The following RBFOX1 variants were observed in gnomAD, a reference collection of about 807,000 sequenced individuals.
RBFOX1 encodes RNA binding fox-1 homolog 1.
RBFOX1 carries 8 observed loss-of-function variants against 57.7 expected under a neutral mutation model. The ratio of observed to expected loss-of-function variants is 0.14; its 90% CI spans 0.08 to 0.25. RBFOX1 has a LOEUF of 0.25. Among genes scored for constraint, RBFOX1 ranks in the 10% least tolerant of loss-of-function variants. The pLI is 1.00. For synonymous variants in RBFOX1, 326 were observed against 222.4 expected (o/e 1.47, Z -4.15); for missense variants, 611 against 548.5 (o/e 1.11, Z -1.14).
chr16:6,879,761 G>A (rs1031400366), intron 3 of RBFOX1, among the ~76,000 whole-genome samples: 1 of 152,098 alleles, frequency 6.6e-6, no homozygotes, highest in African/African-American at 2.4e-5. Context: ...GTTCCTGGCT[G>A]TTACTAACCC....
intron 2 of RBFOX1, among the ~76,000 whole-genome samples, chr16:6,619,297 C>T (rs537571499): frequency 1.3e-5 from 2 of 152,202 alleles, no homozygotes; most frequent in East Asian, 3.9e-4. Context: ...AGTTGGTGGC[C>T]TTATAACTCT....
chr16:6,997,800 G>C (rs568843811), intron 3 of RBFOX1, among the ~76,000 whole-genome samples: 29 of 152,184 alleles, frequency 1.9e-4, no homozygotes, highest in Non-Finnish European at 3.2e-4. Context: ...CTCTGAGGTA[G>C]GGTTTCTTGC....
Position 7,411,873 on chromosome 16 carries a change from A to G in RBFOX1, c.28-106274A>G, listed in dbSNP as rs149682658. ...AGCCAAGATCATGCCATTGCATTCCAGCCTGGACAACAAGAGCAAAACTCC... is the reference window on the plus strand; with the variant it reads ...AGCCAAGATCATGCCATTGCATTCCGGCCTGGACAACAAGAGCAAAACTCC... On this transcript the variant is annotated intron_variant, in intron 4 of 15. Coordinates refer to ENST00000550418, the MANE Select transcript of RBFOX1 (RefSeq NM_018723.4). 4.7e-3 allele frequency among the ~76,000 whole-genome samples: 684 copies of G among 145,754 alleles called. 4 individuals carry two copies. Among genetic ancestry groups the G allele is most frequent in the African/African-American group, 0.016 (627 of 38,986 alleles).
At chr16:6,525,941 A>G (rs2096571856) in intron 2 of RBFOX1, among the ~76,000 whole-genome samples, 1 of 152,108 alleles carries the variant, frequency 6.6e-6, no homozygotes, top group Non-Finnish European at 1.5e-5. Context: ...GAAAAAAAGC[A>G]AGGGAACTAA....
At chr16:5,434,062 C>T (rs760060301) in intron 1 of RBFOX1, among the ~76,000 whole-genome samples, 9 of 152,276 alleles carry the variant, frequency 5.9e-5, no homozygotes, top group East Asian at 1.9e-4. Context: ...TGTCTGACAT[C>T]AGAGCCTTGC....
rs542656579 is a variant in RBFOX1, at chr16:7,645,973, A to T, written c.758-7842A>T. On this transcript the variant is annotated intron_variant, in intron 11 of 15. Transcript: ENST00000550418. ...CCCACCTTTTTTTTTTTTCTGCGAAACTCTGAAATTACTGGATTTTTTTAA... is the reference window on the plus strand; with the variant it reads ...CCCACCTTTTTTTTTTTTCTGCGAATCTCTGAAATTACTGGATTTTTTTAA... Among the ~76,000 whole-genome samples, 18 of 150,290 alleles carry T rather than the reference A, an allele frequency of 1.2e-4. 1 individual carries two copies. Among genetic ancestry groups the T allele is most frequent in the South Asian group, 2.1e-4 (1 of 4,756 alleles).
At chr16:6,632,035 G>A (rs1410808020) in intron 2 of RBFOX1, among the ~76,000 whole-genome samples, 2 of 152,090 alleles carry the variant, frequency 1.3e-5, no homozygotes, top group Non-Finnish European at 2.9e-5. Flanking sequence ...TTTGGATAAT[G>A]TTTGGATAAT....
At chr16:7,295,886 A>T (rs2095878262) in intron 4 of RBFOX1, among the ~76,000 whole-genome samples, 1 of 152,334 alleles carries the variant, frequency 6.6e-6, no homozygotes, top group South Asian at 2.1e-4. Flanking sequence ...AGTGAAAGGC[A>T]TGCTGCTCTG....
At chr16:5,944,987 A>AAAGAGAG (rs1555453186) in intron 4 of RBFOX1, among the ~76,000 whole-genome samples, 4 of 97,086 alleles carry the variant, frequency 4.1e-5, no homozygotes, top group Non-Finnish European at 8.6e-5. Context: ...AAAAAAAAAA[A>AAAGAGAG]AGAGAGAGAG....
intron 4 of RBFOX1, among the ~76,000 whole-genome samples, chr16:5,877,156 C>A (rs1413927662): frequency 6.6e-6 from 1 of 152,214 alleles, no homozygotes; most frequent in Admixed American, 6.5e-5. Context: ...TGTGTCTGCT[C>A]TCCAGGCTAG....
At chr16:5,402,342 G>A (rs1316572203) in intron 1 of RBFOX1, among the ~76,000 whole-genome samples, 1 of 152,152 alleles carries the variant, frequency 6.6e-6, no homozygotes, top group Non-Finnish European at 1.5e-5. Context: ...TAGTGCTGGG[G>A]GTCCATGCAC....
intron 2 of RBFOX1, among the ~76,000 whole-genome samples, chr16:5,494,808 C>T (rs569862843): frequency 6.6e-6 from 1 of 152,172 alleles, no homozygotes; most frequent in Admixed American, 6.5e-5. Flanking sequence ...ACTAAGGGAC[C>T]CTCAGAGATG....
intron 4 of RBFOX1, among the ~76,000 whole-genome samples, chr16:7,269,150 T>C (rs2095255702): frequency 1.3e-5 from 2 of 151,456 alleles, no homozygotes; most frequent in Admixed American, 1.3e-4. Flanking sequence ...ATATTAAAGA[T>C]TCTTAAACCA....
intron 1 of RBFOX1, among the ~76,000 whole-genome samples, chr16:5,242,797 A>G (rs1209218377): frequency 6.6e-6 from 1 of 151,894 alleles, no homozygotes; most frequent in Non-Finnish European, 1.5e-5. Flanking sequence ...GGTGCTCTGG[A>G]TGGCTGAGGT....
chr16:6,894,641 C>G (rs138637790), intron 3 of RBFOX1, among the ~76,000 whole-genome samples: 1 of 152,196 alleles, frequency 6.6e-6, no homozygotes, highest in Non-Finnish European at 1.5e-5. Flanking sequence ...CTTTCTCTCA[C>G]TTTATAACAG....
intron 3 of RBFOX1, among the ~76,000 whole-genome samples, chr16:5,806,433 C>T (rs929814422): frequency 6.6e-6 from 1 of 152,122 alleles, no homozygotes; most frequent in East Asian, 1.9e-4. Context: ...AGAAAGGGAG[C>T]CAAAGCTAGT....
At chr16:6,308,422 CA>C (rs2079804904) in intron 1 of RBFOX1, among the ~76,000 whole-genome samples, 1 of 152,198 alleles carries the variant, frequency 6.6e-6, no homozygotes, top group Non-Finnish European at 1.5e-5. Context: ...ATAACACTTA[CA>C]TAAATGAATG....
At chr16:6,558,764 G>C (rs932887503) in intron 2 of RBFOX1, among the ~76,000 whole-genome samples, 1 of 151,828 alleles carries the variant, frequency 6.6e-6, no homozygotes, top group African/African-American at 2.4e-5. Context: ...TGATTAACAT[G>C]CTTCCCCCAC....
In RBFOX1 at chr16:6,382,649, T is replaced by C. The variant is rs541613777; in HGVS notation, c.-64+65592T>C. On this transcript the variant is annotated intron_variant, in intron 2 of 15. Transcript: ENST00000550418. ...CTGAGGCGGGCAGATCATCTGAGGT[T>C]AGGAGTTCTAGAGCAGCCTGGTCAA... Among the ~76,000 whole-genome samples, 44 of 152,188 alleles carry C rather than the reference T, an allele frequency of 2.9e-4. No homozygotes were observed. The South Asian group carries it at 7.3e-3, about 25-fold the overall frequency.
Sources: gnomAD v4.1 joint callset for allele counts (sites outside exome capture counted in the v4.1 genomes callset) on GRCh38, gnomAD v4.1.1 for gene constraint, MANE v1.5 for transcripts, NCBI Gene and HGNC (gene_info 2026-07-23, HGNC 2026-07-21) for gene names.